DOCK4: variants seen among roughly 807,000 people sequenced by gnomAD.
DOCK4 encodes dedicator of cytokinesis protein 4.
Under a neutral mutation model 268.1 loss-of-function variants are expected in DOCK4, and 97 were observed. The observed-to-expected ratio is 0.36, with a 90% CI of 0.31 to 0.43. The LOEUF is 0.43. Among genes scored for constraint, DOCK4 ranks in the 20% least tolerant of loss-of-function variants. The pLI is 1.00. For synonymous variants in DOCK4, 954 were observed against 887.2 expected, an observed-to-expected ratio of 1.08 and a Z score of -1.34; for missense variants, 2,145 against 2,455.7, an observed-to-expected ratio of 0.87 and a Z score of 2.67.
At chr7:111,933,305 T>A (rs1337697735) in intron 12 of DOCK4, among the ~76,000 whole-genome samples, 9 of 139,758 alleles carry the variant, frequency 6.4e-5, no homozygotes, top group African/African-American at 1.9e-4. Context: ...TATATTTTTT[T>A]TTTTTTTTGA....
At chr7:112,200,247 G>A (rs1587043695) in intron 1 of DOCK4, among the ~76,000 whole-genome samples, 1 of 152,124 alleles carries the variant, frequency 6.6e-6, no homozygotes, top group East Asian at 1.9e-4. Context: ...TAGAGTATAA[G>A]CAAGTGCTGT....
At chr7:112,185,205 T>A (rs1166056930) in intron 1 of DOCK4, among the ~76,000 whole-genome samples, 1 of 152,214 alleles carries the variant, frequency 6.6e-6, no homozygotes, top group Admixed American at 6.5e-5. Flanking sequence ...GCAGGCTGCA[T>A]GCTGCTGTTC....
At chr7:111,976,153 A>T (rs1195495002) in intron 8 of DOCK4, among the ~76,000 whole-genome samples, 2 of 75,354 alleles carry the variant, frequency 2.7e-5, no homozygotes, top group Non-Finnish European at 4.7e-5. Flanking sequence ...AAAAAAAAAA[A>T]AAAAAAAAAT....
intron 39 of DOCK4, among the ~76,000 whole-genome samples, chr7:111,760,738 TTGTGTG>T (rs3997406): frequency 0.11 from 14,389 of 136,792 alleles, 787 homozygotes; most frequent in Middle Eastern, 0.14. Context: ...TGTCTGCTTT[TTGTGTG>T]TGTGTGTGTG....
At chr7:112,193,366 C>G (rs1820143595) in intron 1 of DOCK4, among the ~76,000 whole-genome samples, 1 of 152,074 alleles carries the variant, frequency 6.6e-6, no homozygotes, top group South Asian at 2.1e-4. Flanking sequence ...GAGGCTAAGG[C>G]AGGAGGATCA....
intron 22 of DOCK4, among the ~76,000 whole-genome samples, chr7:111,865,443 G>GA (rs1258368110): frequency 2.0e-5 from 3 of 152,172 alleles, no homozygotes; most frequent in Non-Finnish European, 4.4e-5. Context: ...AGCCCACATG[G>GA]AAAAAATGCA....
rs182711749 is a variant in DOCK4, at chr7:111,727,735, A to C, written c.*539T>G. Reference sequence around the variant, plus strand: ...AAGTATTTTGTTTCAAGAACAAAACAATTTCCAGTCCCAAGCTTTGCAACC... The same window carrying C: ...AAGTATTTTGTTTCAAGAACAAAACCATTTCCAGTCCCAAGCTTTGCAACC... On this transcript the variant is annotated 3_prime_UTR_variant, in exon 53 of 53. Transcript: ENST00000428084. The C allele has an allele frequency of 6.6e-6, 1 of 152,406 alleles. No homozygotes were observed. Among genetic ancestry groups the C allele is most frequent in the Admixed American group, 6.5e-5 (1 of 15,310 alleles). 9.4% of individuals were successfully genotyped at this position (152,406 alleles called of 1,614,324 possible). A position where few individuals can be genotyped will look rare whatever the true frequency, so the allele number is the denominator to read the frequency against.
intron 1 of DOCK4, among the ~76,000 whole-genome samples, chr7:112,028,191 G>A (rs1209590271): frequency 6.6e-6 from 1 of 152,082 alleles, no homozygotes; most frequent in Non-Finnish European, 1.5e-5. Context: ...AATGGGAAGT[G>A]GTAAATCGAC....
chr7:111,821,516 A>G (rs1286776023), intron 27 of DOCK4: 1 of 151,994 alleles, frequency 6.6e-6, no homozygotes, highest in Non-Finnish European at 1.5e-5. Flanking sequence ...ATGACACTGT[A>G]CTCTCCGGGA....
chr7:111,872,359 G>A lies in DOCK4; in HGVS notation c.1843-7C>T. On this transcript the variant is annotated splice_polypyrimidine_tract_variant and splice_region_variant and intron_variant, in intron 18 of 52. Transcript: ENST00000428084. ...CCAGTGTATCCTGCAGAAACTGTTAGATAAAGAAGTAGCAAATGAGTAAAT... is the reference window on the plus strand; with the variant it reads ...CCAGTGTATCCTGCAGAAACTGTTAAATAAAGAAGTAGCAAATGAGTAAAT... 3.2e-6 allele frequency: 5 copies of A among 1,543,748 alleles called. No homozygotes were observed. The highest frequency in any genetic ancestry group is 4.4e-6 in the Non-Finnish European group (5 of 1,144,204).
At chr7:111,907,972 C>T (rs918874662) in intron 13 of DOCK4, among the ~76,000 whole-genome samples, 2 of 152,126 alleles carry the variant, frequency 1.3e-5, no homozygotes. Context: ...AAGCAATCCA[C>T]CATCCTTGGT....
At chr7:112,113,510 A>G (rs1423596227) in intron 1 of DOCK4, among the ~76,000 whole-genome samples, 1 of 152,182 alleles carries the variant, frequency 6.6e-6, no homozygotes, top group African/African-American at 2.4e-5. Context: ...CAAGTAGACA[A>G]GCTTTAATAT....
chr7:111,904,410 GAGA>G (rs139445739), intron 13 of DOCK4, among the ~76,000 whole-genome samples: 3,736 of 152,190 alleles, frequency 0.025, 157 homozygotes, highest in African/African-American at 0.084. Context: ...GGATAAAAGT[GAGA>G]AGGAGGATAC....
intron 12 of DOCK4, among the ~76,000 whole-genome samples, chr7:111,927,119 ACTGT>A (rs1487717288): frequency 6.6e-6 from 1 of 152,204 alleles, no homozygotes; most frequent in African/African-American, 2.4e-5. Context: ...CCATAGGCTC[ACTGT>A]CTGAAGATCA....
intron 30 of DOCK4, among the ~76,000 whole-genome samples, chr7:111,798,792 A>G (rs1227166594): frequency 6.6e-6 from 1 of 152,250 alleles, no homozygotes; most frequent in Non-Finnish European, 1.5e-5. Flanking sequence ...TAAGCAAAGG[A>G]AAGGTAGCTA....
rs531440066 is a variant in DOCK4 at position 112,195,700 on chromosome 7, GA to G, written c.37+10401del. Among the ~76,000 whole-genome samples the G allele has an allele frequency of 5.3e-3, 766 of 144,330 alleles. 5 individuals carry two copies. Among genetic ancestry groups the G allele is most frequent in the Middle Eastern group, 0.014 (4 of 284 alleles). 94.7% of individuals were successfully genotyped at this position (144,330 alleles called of 152,430 possible). A position where few individuals can be genotyped will look rare whatever the true frequency, so the allele number is the denominator to read the frequency against. ...ACGGATGAGATTATTCCATTTTGGA[GA>G]AAAAAAAAAATAAGACATAGAACCA... On this transcript the variant is annotated intron_variant, in intron 1 of 52. Transcript: ENST00000428084.
Position 111,873,288 on chromosome 7 carries a change from G to A in DOCK4, c.1745-724C>T, listed in dbSNP as rs78082944. Among the ~76,000 whole-genome samples, 350 of 152,288 alleles carry A rather than the reference G, an allele frequency of 2.3e-3. 14 individuals carry two copies. The East Asian group carries it at 0.063, about 27-fold the overall frequency. On this transcript the variant is annotated intron_variant, in intron 17 of 52. Coordinates refer to ENST00000428084, the MANE Select transcript of DOCK4 (RefSeq NM_001363540.2). ...TTAGAGAACCTCTTCACCTGGGGAG[G>A]GAATAAATTTATCTTTCTTGGGCAG...
Position 111,741,134 on chromosome 7 carries a change from G to A in DOCK4, c.5000C>T (p.Thr1667Ile). 3.1e-6 allele frequency: 5 copies of A among 1,613,950 alleles called. No homozygotes were observed. The highest frequency in any genetic ancestry group is 1.1e-5 in the South Asian group (1 of 91,082). ...SQASAEVSNI[T>I]GQSESSDEVF... is the part of the protein sequence containing the mutation. Reference sequence around the variant, plus strand: ...TTCATCAGAGCTTTCTGATTGCCCTGTAATATTGCTTACTTCAGCAGAAGC... The same window carrying A: ...TTCATCAGAGCTTTCTGATTGCCCTATAATATTGCTTACTTCAGCAGAAGC... Residue 1667 changes from threonine (T) to isoleucine (I), a missense_variant, in exon 47 of 53, where the codon ACA becomes ATA. Transcript: ENST00000428084.
In DOCK4 at chr7:112,141,466, C is replaced by T. The variant is rs549658906; in HGVS notation, c.37+64636G>A. ...GTAAAAGCAAAATTATTCTTGATAA[C>T]GTGAGTGGGCCTCATCCAATCAGTT... is the stretch of plus-strand genomic sequence containing the variant. On this transcript the variant is annotated intron_variant, in intron 1 of 52. Transcript: ENST00000428084. Among the ~76,000 whole-genome samples, 13 of 152,262 alleles carry T rather than the reference C, an allele frequency of 8.5e-5. 1 individual carries two copies. The highest frequency in any genetic ancestry group is 5.8e-4 in the East Asian group (3 of 5,184).
Sources: gnomAD v4.1 joint callset for allele counts (sites outside exome capture counted in the v4.1 genomes callset) on GRCh38, gnomAD v4.1.1 for gene constraint, MANE v1.5 for transcripts, NCBI Gene and HGNC (gene_info 2026-07-23, HGNC 2026-07-21) for gene names.